The following CTIF variants were observed in gnomAD, a reference collection of about 807,000 sequenced individuals.
The protein encoded by CTIF is CBP80/20-dependent translation initiation factor.
In CTIF, 21 loss-of-function variants were observed where a neutral mutation model predicts 66.0. The observed-to-expected ratio is 0.32, with a 90% CI of 0.23 to 0.46. The LOEUF (loss-of-function observed/expected upper bound fraction) is 0.46. Ranked by LOEUF, CTIF falls within the 20% of genes least tolerant of loss-of-function variation. The pLI, the probability that CTIF is intolerant of heterozygous loss-of-function variation, is 1.00. For synonymous variants in CTIF, 345 were observed against 326.4 expected (o/e 1.06, Z -0.62); for missense variants, 739 against 812.7 (o/e 0.91, Z 1.10).
chr18:48,783,405 T>A (rs1004696193), intron 9 of CTIF, among the ~76,000 whole-genome samples: 2 of 148,310 alleles, frequency 1.3e-5, no homozygotes, highest in Non-Finnish European at 3.0e-5. Flanking sequence ...GATGAAGCTT[T>A]AAAAAAAAAA....
At position 48,711,606 on chromosome 18, in the gene CTIF, C is replaced by A; in HGVS notation, c.508-13C>A. ...AGTTACTAATGATCCCCCTTCCTCC[C>A]CCCATGACACAGGGCTACCACCCGA... On this transcript the variant is annotated splice_polypyrimidine_tract_variant and intron_variant, in intron 6 of 11. Transcript: ENST00000256413. The A allele has an allele frequency of 6.2e-7, 1 of 1,612,464 alleles. No individual in the cohort carries two copies.
chr18:48,774,458 A>G (rs1036819791), intron 9 of CTIF, among the ~76,000 whole-genome samples: 9 of 152,098 alleles, frequency 5.9e-5, no homozygotes, highest in Middle Eastern at 3.4e-3. Flanking sequence ...GTCTTCAGGG[A>G]AAAACAGCGG....
intron 1 of CTIF, among the ~76,000 whole-genome samples, chr18:48,587,075 C>CT (rs778079682): frequency 0.13 from 16,397 of 128,006 alleles, 1,253 homozygotes; most frequent in African/African-American, 0.2. Flanking sequence ...AAGCCACATT[C>CT]TTTTTTTTTT....
At chr18:48,847,466 G>A (rs2069106813) in intron 10 of CTIF, among the ~76,000 whole-genome samples, 1 of 152,152 alleles carries the variant, frequency 6.6e-6, no homozygotes, top group African/African-American at 2.4e-5. Context: ...GGTTGTGCAA[G>A]CCACTTAACT....
chr18:48,681,346 A>G (rs886597863), intron 6 of CTIF, among the ~76,000 whole-genome samples: 3 of 152,120 alleles, frequency 2.0e-5, no homozygotes, highest in African/African-American at 7.2e-5. Flanking sequence ...TGGCCAAACA[A>G]ACCAAGTGAG....
intron 1 of CTIF, among the ~76,000 whole-genome samples, chr18:48,574,978 A>T (rs2089498372): frequency 6.6e-6 from 1 of 152,196 alleles, no homozygotes; most frequent in Admixed American, 6.5e-5. Flanking sequence ...TGAGATAAAG[A>T]GTAATAGTGA....
rs369098893 is a variant in CTIF at position 48,771,912 on chromosome 18, C to T, written c.1371+10223C>T. ...GGCCGGCCCAGACAGGGCGCCTCTA[C>T]CTGCCGTGGCTGCCGCTGGAAAGCT... On this transcript the variant is annotated intron_variant, in intron 9 of 11. Transcript: ENST00000256413. Among the ~76,000 whole-genome samples, 5 of 152,386 alleles carry T rather than the reference C, an allele frequency of 3.3e-5. No individual in the cohort carries two copies. The South Asian group carries it at 1.0e-3, about 32-fold the overall frequency.
chr18:48,765,668 T>C (rs979458891), intron 9 of CTIF, among the ~76,000 whole-genome samples: 1 of 152,162 alleles, frequency 6.6e-6, no homozygotes, highest in Non-Finnish European at 1.5e-5. Context: ...GGAGAAGGTT[T>C]AAGGTCCTTT....
chr18:48,706,841 C>T (rs964375804), intron 6 of CTIF, among the ~76,000 whole-genome samples: 3 of 152,222 alleles, frequency 2.0e-5, no homozygotes, highest in Non-Finnish European at 4.4e-5. Context: ...ATTAGCTTCC[C>T]TCCATCCCTG....
intron 6 of CTIF, among the ~76,000 whole-genome samples, chr18:48,675,749 G>A (rs1230853309): frequency 6.6e-6 from 1 of 152,206 alleles, no homozygotes; most frequent in East Asian, 1.9e-4. Context: ...CTTCCAGGAG[G>A]GCAGCAGCAC....
intron 3 of CTIF, among the ~76,000 whole-genome samples, chr18:48,657,393 A>G (rs1005099895): frequency 6.6e-6 from 1 of 152,186 alleles, no homozygotes; most frequent in Non-Finnish European, 1.5e-5. Flanking sequence ...TTAAAACTTG[A>G]ACATTTTGAG....
intron 7 of CTIF, among the ~76,000 whole-genome samples, chr18:48,733,044 G>A (rs978888061): frequency 6.6e-6 from 1 of 152,146 alleles, no homozygotes; most frequent in Non-Finnish European, 1.5e-5. Flanking sequence ...ATTTTGAGAG[G>A]CATCGGGGGC....
intron 9 of CTIF, among the ~76,000 whole-genome samples, chr18:48,786,182 C>T (rs913626064): frequency 1.3e-5 from 2 of 152,238 alleles, no homozygotes; most frequent in South Asian, 2.1e-4. Context: ...GGGGAGGTGC[C>T]GGCGGAGCAG....
intron 7 of CTIF, among the ~76,000 whole-genome samples, chr18:48,725,764 T>C (rs1296039902): frequency 6.6e-6 from 1 of 152,144 alleles, no homozygotes; most frequent in African/African-American, 2.4e-5. Flanking sequence ...AGCTCCCACG[T>C]GTGGGAGGTA....
intron 6 of CTIF, among the ~76,000 whole-genome samples, chr18:48,700,063 A>G (rs992565643): frequency 4.6e-5 from 7 of 152,158 alleles, no homozygotes; most frequent in African/African-American, 9.7e-5. Context: ...CCCCACCCAG[A>G]TTTCACTTTG....
At chr18:48,634,597 G>A (rs2090778600) in intron 2 of CTIF, among the ~76,000 whole-genome samples, 1 of 152,226 alleles carries the variant, frequency 6.6e-6, no homozygotes, top group Admixed American at 6.5e-5. Flanking sequence ...GGAGACCCAG[G>A]CACTGCTGGT....
intron 1 of CTIF, among the ~76,000 whole-genome samples, chr18:48,588,504 G>A (rs113763694): frequency 0.015 from 2,331 of 152,212 alleles, 34 homozygotes; most frequent in Non-Finnish European, 0.024. Context: ...TCTAGCTCGC[G>A]ATCCTCATCC....
chr18:48,758,335 T>G lies in CTIF; in HGVS notation c.1001T>G (p.Ile334Ser). Residue 334 changes from isoleucine to serine, a missense_variant, in exon 8 of 12, where the codon ATC becomes AGC. Ile to Ser is a moderately radical substitution (Grantham distance 142). Transcript: ENST00000256413. Reference protein sequence around the residue: ...KRKDSILPERIGERPKITLLQ... With the variant: ...KRKDSILPERSGERPKITLLQ... ...AAAGACAGTATTCTTCCCGAGCGCATCGGGGAGCGGCCCAAAATTACCCTG... is the reference window on the plus strand; with the variant it reads ...AAAGACAGTATTCTTCCCGAGCGCAGCGGGGAGCGGCCCAAAATTACCCTG... 6.2e-7 allele frequency: 1 copy of G among 1,612,384 alleles called. No individual in the cohort carries two copies. Among genetic ancestry groups the G allele is most frequent in the Non-Finnish European group, 8.5e-7 (1 of 1,179,728 alleles).
chr18:48,625,395 T>C (rs2090575571), intron 2 of CTIF, among the ~76,000 whole-genome samples: 1 of 152,236 alleles, frequency 6.6e-6, no homozygotes, highest in African/African-American at 2.4e-5. Context: ...TCTCCTGAGC[T>C]AAAATTATTT....
Sources: gnomAD v4.1 joint callset for allele counts (sites outside exome capture counted in the v4.1 genomes callset) on GRCh38, gnomAD v4.1.1 for gene constraint, MANE v1.5 for transcripts, NCBI Gene and HGNC (gene_info 2026-07-23, HGNC 2026-07-21) for gene names.